PCDHGA2: variants seen among roughly 807,000 people sequenced by gnomAD.
The protein encoded by PCDHGA2 is protocadherin gamma subfamily A, 2, also known as protocadherin gamma-A2.
PCDHGA2 carries 40 observed loss-of-function variants against 59.2 expected under a neutral mutation model. That is an observed-to-expected ratio of 0.68 (90% confidence interval 0.52 to 0.88). The LOEUF (loss-of-function observed/expected upper bound fraction) is 0.88, where lower values mean the gene tolerates loss of function less well. PCDHGA2 is among the 40% of genes least tolerant of loss of function. The probability of loss-of-function intolerance (pLI) is 0.00; values close to 1 mark genes in which losing one functional copy is unlikely to be tolerated. For missense variants in PCDHGA2, 1,226 were observed against 1,204.0 expected (o/e 1.02, Z -0.27); for synonymous variants, 560 against 526.0 (o/e 1.06, Z -0.89).
At chr5:141,362,071 G>T (rs1322302295) in intron 1 of PCDHGA2, 1 of 1,612,812 alleles carries the variant, frequency 6.2e-7, no homozygotes, top group African/African-American at 1.3e-5. Flanking sequence ...GCTGGTCGCT[G>T]TGCGTGATGG....
chr5:141,398,018 A>G, intron 1 of PCDHGA2: 1 of 1,425,774 alleles, frequency 7.0e-7, no homozygotes, highest in East Asian at 2.5e-5. Flanking sequence ...TCGTTTCCTA[A>G]ACTGGAACTG....
At chr5:141,354,638 T>C (rs1759597107) in intron 1 of PCDHGA2, among the ~76,000 whole-genome samples, 2 of 152,218 alleles carry the variant, frequency 1.3e-5, no homozygotes, top group South Asian at 4.1e-4. Flanking sequence ...ATCTGTCTCA[T>C]CCATTTTTCA....
intron 1 of PCDHGA2, among the ~76,000 whole-genome samples, chr5:141,368,602 G>T (rs992972372): frequency 1.3e-5 from 2 of 152,100 alleles, no homozygotes; most frequent in African/African-American, 4.8e-5. Context: ...AAAAGTAAAG[G>T]TTATAGATTT....
chr5:141,453,524 C>T (rs1351750021), intron 1 of PCDHGA2, among the ~76,000 whole-genome samples: 1 of 152,060 alleles, frequency 6.6e-6, no homozygotes, highest in Non-Finnish European at 1.5e-5. Flanking sequence ...TCCCCTATAC[C>T]TTCTGCCTCA....
At position 141,491,546 on chromosome 5, in the gene PCDHGA2, C is replaced by T; in HGVS notation, c.2425-3261C>T. ...GAGGTGACGCTGCGGCCCACAGACT[C>T]GCAGAGCCACTGCTACAGGACGTGC... On this transcript the variant is annotated intron_variant, in intron 1 of 3. Transcript: ENST00000394576. This position sits in a 1 kb window ranked among gnomAD's most constrained non-coding sequence, Gnocchi z 6.9. 1.9e-6 allele frequency: 3 copies of T among 1,614,038 alleles called. No homozygotes were observed. Among genetic ancestry groups the T allele is most frequent in the Non-Finnish European group, 2.5e-6 (3 of 1,180,024 alleles).
intron 1 of PCDHGA2, chr5:141,378,892 G>A (rs1477205995): frequency 1.3e-5 from 2 of 152,204 alleles, no homozygotes; most frequent in Non-Finnish European, 2.9e-5. Context: ...AAGGAGATAG[G>A]AGATTCTGTT....
At chr5:141,503,478 C>T (rs1249372985) in intron 2 of PCDHGA2, among the ~76,000 whole-genome samples, 3 of 151,680 alleles carry the variant, frequency 2.0e-5, no homozygotes, top group East Asian at 1.9e-4. Context: ...GTGCACTTGT[C>T]GTCCCAGCTG....
intron 1 of PCDHGA2, chr5:141,405,200 C>T (rs1458944760): frequency 2.5e-6 from 4 of 1,613,508 alleles, no homozygotes; most frequent in Non-Finnish European, 3.4e-6. Flanking sequence ...TCGAGCTTTC[C>T]TACAGACCTA....
At chr5:141,355,480 G>A in intron 1 of PCDHGA2, 1 of 1,614,048 alleles carries the variant, frequency 6.2e-7, no homozygotes, top group Admixed American at 1.7e-5. Context: ...AGACAGGGAG[G>A]AGCTCTGCGA....
chr5:141,490,120 G>A lies in PCDHGA2; in HGVS notation c.2425-4687G>A. On this transcript the variant is annotated intron_variant, in intron 1 of 3. Coordinates refer to ENST00000394576, the MANE Select transcript of PCDHGA2 (RefSeq NM_018915.4). This position sits in a 1 kb window ranked among gnomAD's most constrained non-coding sequence, Gnocchi z 5.4. ...ATCTGAGGCAGTGCGGAACCTCTTT[G>A]GCCTAGACCCTAGCAGTGGGGCAAT... 6.2e-7 allele frequency: 1 copy of A among 1,614,224 alleles called. No homozygotes were observed. Among genetic ancestry groups the A allele is most frequent in the East Asian group, 2.2e-5 (1 of 44,888 alleles).
intron 1 of PCDHGA2, among the ~76,000 whole-genome samples, chr5:141,400,891 A>G (rs1266926061): frequency 6.6e-6 from 1 of 152,222 alleles, no homozygotes; most frequent in African/African-American, 2.4e-5. Context: ...GTATGTAATC[A>G]TTTAATTCAT....
In PCDHGA2 at chr5:141,430,991, A is replaced by G. The variant is rs2097333608; in HGVS notation, c.2425-63816A>G. 2.5e-6 allele frequency: 4 copies of G among 1,613,862 alleles called. No individual in the cohort carries two copies. In the East Asian group the frequency reaches 8.9e-5, roughly 36 times the overall value. ...AGGTAGGACGCAGCTTTTCGCCCTGAATCCGCGCAGCGGCAGCTTGGTCAC... is the reference window on the plus strand; with the variant it reads ...AGGTAGGACGCAGCTTTTCGCCCTGGATCCGCGCAGCGGCAGCTTGGTCAC... On this transcript the variant is annotated intron_variant, in intron 1 of 3. Coordinates refer to ENST00000394576, the MANE Select transcript of PCDHGA2 (RefSeq NM_018915.4).
intron 1 of PCDHGA2, chr5:141,394,617 G>T (rs369651266): frequency 8.1e-6 from 13 of 1,613,372 alleles, no homozygotes; most frequent in Non-Finnish European, 1.1e-5. Flanking sequence ...GGGCCAGAAC[G>T]CCTGGCTGTC....
chr5:141,375,597 T>C, intron 1 of PCDHGA2: 4 of 1,614,160 alleles, frequency 2.5e-6, no homozygotes, highest in Non-Finnish European at 3.4e-6. Flanking sequence ...TCCTCCTACG[T>C]GTCCATCAAC....
Position 141,419,025 on chromosome 5 carries a change from G to T in PCDHGA2, c.2425-75782G>T, listed in dbSNP as rs2096315076. 6.2e-6 allele frequency: 10 copies of T among 1,613,736 alleles called. No homozygotes were observed. In the East Asian group the frequency reaches 2.0e-4, roughly 32 times the overall value. On this transcript the variant is annotated intron_variant, in intron 1 of 3. Transcript: ENST00000394576. ...GAAGTCAGGTGTAGCTTAAGTAGAG[G>T]TGTTCCATTTAAGATTCATTCTTCT...
intron 1 of PCDHGA2, chr5:141,441,387 G>A (rs2098243952): frequency 6.5e-6 from 1 of 153,712 alleles, no homozygotes; most frequent in Non-Finnish European, 1.5e-5. Flanking sequence ...CAGACCCAAG[G>A]TATAACATCA....
chr5:141,478,668 T>G (rs1411369994), intron 1 of PCDHGA2: 40 of 1,551,660 alleles, frequency 2.6e-5, no homozygotes, highest in Non-Finnish European at 3.4e-5. Flanking sequence ...CATTCACACT[T>G]TCAACTGGCC....
intron 1 of PCDHGA2, chr5:141,390,565 G>T: frequency 4.8e-6 from 2 of 420,818 alleles, no homozygotes. Context: ...ACAGTTGTTG[G>T]CTCTCTCCTA....
chr5:141,376,416 C>T (rs1450125576), intron 1 of PCDHGA2: 1 of 1,614,216 alleles, frequency 6.2e-7, no homozygotes, highest in Non-Finnish European at 8.5e-7. Context: ...TATGCCGACA[C>T]GCTTATCAAC....
Sources: allele counts gnomAD v4.1 joint callset (sites outside exome capture counted in the v4.1 genomes callset), GRCh38; gene constraint gnomAD v4.1.1; non-coding constraint Gnocchi (gnomAD v3.1); transcripts MANE v1.5; gene names NCBI Gene and HGNC (gene_info 2026-07-23, HGNC 2026-07-21).